Variants in MED1 observed in about 807,000 individuals in gnomAD.
The protein encoded by MED1 is mediator complex subunit 1, also known as mediator of RNA polymerase II transcription subunit 1.
MED1 carries 17 observed loss-of-function variants against 121.3 expected under a neutral mutation model. That is an observed-to-expected ratio of 0.14 (90% confidence interval 0.10 to 0.21). MED1 has a LOEUF of 0.21. Among genes scored for constraint, MED1 ranks in the 10% least tolerant of loss-of-function variants. The pLI, the probability that MED1 is intolerant of heterozygous loss-of-function variation, is 1.00. For synonymous variants in MED1, 661 were observed against 694.4 expected, an observed-to-expected ratio of 0.95 and a Z score of 0.76; for missense variants, 1,558 against 1,919.4, an observed-to-expected ratio of 0.81 and a Z score of 3.52.
In MED1 at chr17:39,414,818, C is replaced by T. The variant is rs115999020; in HGVS notation, c.1499+208G>A. 7.0e-3 allele frequency among the ~76,000 whole-genome samples: 1,066 copies of T among 151,728 alleles called. 14 individuals are homozygous for T. The highest frequency in any genetic ancestry group is 0.025 in the African/African-American group (1,025 of 41,362). On this transcript the variant is annotated intron_variant, in intron 16 of 16. Coordinates refer to ENST00000300651, the MANE Select transcript of MED1 (RefSeq NM_004774.4). Reference sequence around the variant, plus strand: ...CCGAGTAGCTGGTACTACATGTGCCCGCCATCGCGCCTGACTAATTTTTGT... The same window carrying T: ...CCGAGTAGCTGGTACTACATGTGCCTGCCATCGCGCCTGACTAATTTTTGT...
intron 11 of MED1, 45 bp from the exon 12 acceptor site, chr17:39,423,866 A>T: frequency 6.4e-7 from 1 of 1,555,556 alleles, no homozygotes; most frequent in Non-Finnish European, 8.6e-7. Context: ...GACTTGATAT[A>T]AAAATGAAAA....
chr17:39,421,488 T>G (rs2048464571), intron 13 of MED1, among the ~76,000 whole-genome samples: 1 of 151,974 alleles, frequency 6.6e-6, no homozygotes. Context: ...AGGCGGAGGT[T>G]GCAGTGAGCC....
At chr17:39,420,342 G>A (rs2048450358) in intron 13 of MED1, among the ~76,000 whole-genome samples, 1 of 151,572 alleles carries the variant, frequency 6.6e-6, no homozygotes, top group Non-Finnish European at 1.5e-5. Flanking sequence ...TGCGACTATA[G>A]GCACCCGCCA....
chr17:39,440,226 T>C lies in MED1; in HGVS notation c.399+160A>G, dbSNP rs2048663034. 6.6e-6 allele frequency among the ~76,000 whole-genome samples: 1 copy of C among 152,148 alleles called. No individual in the cohort carries two copies. Among genetic ancestry groups the C allele is most frequent in the Admixed American group, 6.6e-5 (1 of 15,232 alleles). ...AGAGATGGGACCCATATTTTCTAAA[T>C]CCCATTCTATAGCTGTTGATTTTGT... On this transcript the variant is annotated intron_variant, in intron 5 of 16. Coordinates refer to ENST00000300651, the MANE Select transcript of MED1 (RefSeq NM_004774.4). The surrounding 1 kb of genome is among the most constrained non-coding windows in gnomAD (Gnocchi z 4.1).
intron 2 of MED1, 114 bp from the exon 3 acceptor site, chr17:39,443,742 T>C (rs376807917): frequency 2.6e-6 from 2 of 779,416 alleles, no homozygotes; most frequent in East Asian, 2.6e-5. Context: ...AGACTCAATA[T>C]AGTCTATAGA....
Position 39,408,804 on chromosome 17 carries a change from T to C in MED1, c.3417A>G (p.Gly1139=). ...GGGATGAATTTTTGGACTGGCTAGA[T>C]CCAGAAGACCCCTGGCTAGAATACA... ...SSMYSSQGSS[G]SSQSKNSSQS... Residue 1139 remains glycine, a synonymous_variant, in exon 17 of 17, where the codon GGA becomes GGG. Coordinates refer to ENST00000300651, the MANE Select transcript of MED1 (RefSeq NM_004774.4). This position sits in a 1 kb window ranked among gnomAD's most constrained non-coding sequence, Gnocchi z 4.7. The C allele has an allele frequency of 6.2e-7, 1 of 1,614,060 alleles. No individual in the cohort carries two copies. The highest frequency in any genetic ancestry group is 1.3e-5 in the African/African-American group (1 of 75,046).
intron 16 of MED1, among the ~76,000 whole-genome samples, chr17:39,413,407 C>T (rs1317073090): frequency 3.3e-5 from 5 of 152,120 alleles, no homozygotes; most frequent in African/African-American, 7.2e-5. Flanking sequence ...GAATGACAGA[C>T]GGATACCACC....
At position 39,407,144 on chromosome 17, in the gene MED1, A is replaced by C; in HGVS notation, c.*331T>G. The C allele has an allele frequency of 9.9e-7, 1 of 1,010,086 alleles. No individual in the cohort carries two copies. 62.6% of individuals were successfully genotyped at this position (1,010,086 alleles called of 1,614,324 possible). A position where few individuals can be genotyped will look rare whatever the true frequency, so the allele number is the denominator to read the frequency against. On this transcript the variant is annotated 3_prime_UTR_variant, in exon 17 of 17. Transcript: ENST00000300651. ...CTAAAAATGGAAAAAGGGAGAAGAA[A>C]ATATATATGAATATTTCCCACAAAA... is the stretch of plus-strand genomic sequence containing the variant.
chr17:39,445,937 G>C (rs886476185), intron 2 of MED1, among the ~76,000 whole-genome samples: 8 of 151,710 alleles, frequency 5.3e-5, no homozygotes, highest in Admixed American at 5.3e-4. Flanking sequence ...GCTGGGGCAG[G>C]AGAATCGCTT....
At position 39,406,047 on chromosome 17, in the gene MED1, C is replaced by G; in HGVS notation, c.*1428G>C. On this transcript the variant is annotated 3_prime_UTR_variant, in exon 17 of 17. Coordinates refer to ENST00000300651, the MANE Select transcript of MED1 (RefSeq NM_004774.4). ...TAAGGCCGCAGAATTTTTGAGAGGA[C>G]CCTCCAAATACTGAGAACTTCTGTT... The G allele has an allele frequency of 1.1e-5, 11 of 985,402 alleles. No individual in the cohort carries two copies. The highest frequency in any genetic ancestry group is 1.2e-5 in the Non-Finnish European group (10 of 829,896). The allele number at this position is 985,402 out of a possible 1,614,324, so 61.0% of individuals were successfully genotyped here.
At chr17:39,429,854 T>A (rs2048549566) in intron 9 of MED1, among the ~76,000 whole-genome samples, 2 of 151,616 alleles carry the variant, frequency 1.3e-5, no homozygotes, top group African/African-American at 2.4e-5. Flanking sequence ...TGCAATGCAG[T>A]GGCAGGAAGA....
chr17:39,414,634 CTTTTTTTTTTTTTTTTTT>C lies in MED1; in HGVS notation c.1499+374_1499+391del, dbSNP rs55829399. Among the ~76,000 whole-genome samples the C allele has an allele frequency of 3.9e-4, 24 of 61,556 alleles. 1 individual carries two copies. Among genetic ancestry groups the C allele is most frequent in the African/African-American group, 1.2e-3 (19 of 15,292 alleles). The allele number at this position is 61,556 out of a possible 152,430, so 40.4% of individuals were successfully genotyped here. ...ACAGGCGTGAGCCACCAGGCCCGGC[CTTTTTTTTTTTTTTTTTT>C]TTTTTTTTTTTTTTTTTTTTTTACA... On this transcript the variant is annotated intron_variant, in intron 16 of 16. Transcript: ENST00000300651.
chr17:39,412,246 G>A (rs1047561474), intron 16 of MED1, among the ~76,000 whole-genome samples: 3 of 40,552 alleles, frequency 7.4e-5, no homozygotes, highest in African/African-American at 1.1e-4. Flanking sequence ...TTTTTTTTTT[G>A]AGACGGAGTT....
At chr17:39,424,898 G>C (rs550305998) in intron 10 of MED1, among the ~76,000 whole-genome samples, 160 bp from the exon 11 acceptor site, 13 of 151,442 alleles carry the variant, frequency 8.6e-5, no homozygotes, top group Non-Finnish European at 1.5e-4. Context: ...TATTTATTTT[G>C]AGACAGAGTC....
In MED1 at chr17:39,423,750, G is replaced by A. The variant is rs1567645122; in HGVS notation, c.923C>T (p.Pro308Leu). Residue 308 changes from proline to leucine, a missense_variant, in exon 12 of 17, where the codon CCC (proline) becomes CTC (leucine). By Grantham distance (98) the Pro-to-Leu change is moderately conservative. This residue lies in a region of MED1 where 443 missense variants were observed against 532.4 expected (regional missense o/e 0.83). Transcript: ENST00000300651. ...DLPACFFLKF[P>L]QPIPVSRAFV... The stretch of plus-strand genomic sequence containing the variant: ...TGCTCTAGATACTGGGATTGGCTGG[G>A]GAAATTTCAAGAAGAAACAGGCAGG... The A allele has an allele frequency of 1.2e-6, 2 of 1,613,906 alleles. No homozygotes were observed. The highest frequency in any genetic ancestry group is 2.7e-5 in the African/African-American group (2 of 74,982).
At position 39,407,731 on chromosome 17, in the gene MED1, T is replaced by A. The variant is rs768102422; in HGVS notation, c.4490A>T (p.His1497Leu). 6.2e-7 allele frequency: 1 copy of A among 1,614,102 alleles called. No individual in the cohort carries two copies. Among genetic ancestry groups the A allele is most frequent in the Non-Finnish European group, 8.5e-7 (1 of 1,180,044 alleles). Reference protein sequence around the residue: ...RPLPEYSTEKHKKHKKEKKKV... With the variant: ...RPLPEYSTEKLKKHKKEKKKV... ...CTTCTTTTCCTTTTTGTGCTTCTTA[T>A]GTTTCTCTGTGCTGTATTCTGGAAG... Residue 1497 changes from histidine to leucine, a missense_variant, in exon 17 of 17, where the codon CAT becomes CTT. Transcript: ENST00000300651.
intron 16 of MED1, among the ~76,000 whole-genome samples, chr17:39,413,798 G>T (rs2048377885): frequency 6.6e-6 from 1 of 150,800 alleles, no homozygotes; most frequent in Non-Finnish European, 1.5e-5. Flanking sequence ...TGGCACACAG[G>T]ATAGGTAAGA....
chr17:39,436,072 GA>G (rs991235152), intron 6 of MED1, among the ~76,000 whole-genome samples: 1 of 150,762 alleles, frequency 6.6e-6, no homozygotes, highest in South Asian at 2.1e-4. Context: ...ACACCATCTC[GA>G]AAAAAAAGGC....
At chr17:39,417,498 G>A (rs1375535656) in intron 14 of MED1, among the ~76,000 whole-genome samples, 4 of 151,800 alleles carry the variant, frequency 2.6e-5, no homozygotes, top group African/African-American at 4.8e-5. Flanking sequence ...GCGTGATGGC[G>A]GGTGCCTGTA....
Sources: allele counts gnomAD v4.1 joint callset (sites outside exome capture counted in the v4.1 genomes callset), GRCh38; gene constraint gnomAD v4.1.1; regional missense constraint gnomAD v4.1.1; non-coding constraint Gnocchi (gnomAD v3.1); transcripts MANE v1.5; gene names NCBI Gene and HGNC (gene_info 2026-07-23, HGNC 2026-07-21).